The following GALNT15 variants were observed in gnomAD, a reference collection of about 807,000 sequenced individuals.
GALNT15 encodes UDP-GalNAc transferase T15.
Under a neutral mutation model 66.8 loss-of-function variants are expected in GALNT15, and 67 were observed. The observed-to-expected ratio is 1.00, with a 90% CI of 0.82 to 1.23. GALNT15 has a LOEUF of 1.23. Ranked by LOEUF, GALNT15 falls within the 50% of genes most tolerant of loss-of-function variation. The pLI is 0.00. For synonymous variants in GALNT15, 313 were observed against 311.5 expected (o/e 1.00, Z -0.05); for missense variants, 827 against 804.3 (o/e 1.03, Z -0.34).
chr3:16,235,473 T>C (rs138747979), downstream of GALNT15, among the ~76,000 whole-genome samples: 485 of 152,336 alleles, frequency 3.2e-3, 6 homozygotes, highest in African/African-American at 0.011. Context: ...AGGAGTGAAG[T>C]GCATGATTGC....
chr3:16,199,488 C>T (rs73136415), intron 2 of GALNT15, among the ~76,000 whole-genome samples: 2,929 of 142,122 alleles, frequency 0.021, 489 homozygotes, highest in African/African-American at 0.073. Context: ...TTTAATGGAG[C>T]CTTTTGCCTT....
In GALNT15 at chr3:16,186,851, C is replaced by A. The variant is rs954526102; in HGVS notation, c.540-8909C>A. ...TTGGGGGTGGGGTGTTGAAAACGTT[C>A]TCAAATTAGACAGTGGTGATGGCTG... On this transcript the variant is annotated intron_variant, in intron 1 of 9. Coordinates refer to ENST00000339732, the MANE Select transcript of GALNT15 (RefSeq NM_054110.5). The surrounding 1 kb of genome is among the most constrained non-coding windows in gnomAD (Gnocchi z 5.1). Among the ~76,000 whole-genome samples, 6 of 152,132 alleles carry A rather than the reference C, an allele frequency of 3.9e-5. No homozygotes were observed. The highest frequency in any genetic ancestry group is 7.4e-5 in the Non-Finnish European group (5 of 68,022).
In GALNT15 at chr3:16,193,990, A is replaced by G. The variant is rs114296027; in HGVS notation, c.540-1770A>G. On this transcript the variant is annotated intron_variant, in intron 1 of 9. Transcript: ENST00000339732. This position sits in a 1 kb window ranked among gnomAD's most constrained non-coding sequence, Gnocchi z 4.7. ...CAGACCCAAAGCAAGGCAAACACCA[A>G]GCACCCTGTTCACAGACAGCCCCTC... Among the ~76,000 whole-genome samples, 275 of 152,336 alleles carry G rather than the reference A, an allele frequency of 1.8e-3. No individual in the cohort carries two copies. Among genetic ancestry groups the G allele is most frequent in the African/African-American group, 6.3e-3 (260 of 41,570 alleles).
Position 16,219,888 on chromosome 3 carries a change from C to T in GALNT15, c.1525-22C>T. On this transcript the variant is annotated intron_variant, in intron 7 of 9. Coordinates refer to ENST00000339732, the MANE Select transcript of GALNT15 (RefSeq NM_054110.5). This position sits in a 1 kb window ranked among gnomAD's most constrained non-coding sequence, Gnocchi z 4.3. ...TTACAGTGGAATCTGGAATTCACTCCTGTGTGTGTGTCCACTTTCAGCTCC... is the reference window on the plus strand; with the variant it reads ...TTACAGTGGAATCTGGAATTCACTCTTGTGTGTGTGTCCACTTTCAGCTCC... 6.3e-7 allele frequency: 1 copy of T among 1,583,908 alleles called. No individual in the cohort carries two copies. The highest frequency in any genetic ancestry group is 1.1e-5 in the South Asian group (1 of 90,166).
At position 16,214,031 on chromosome 3, in the gene GALNT15, A is replaced by G. The variant is rs549354450; in HGVS notation, c.1392+1268A>G. Among the ~76,000 whole-genome samples, 3 of 152,326 alleles carry G rather than the reference A, an allele frequency of 2.0e-5. No homozygotes were observed. The South Asian group carries it at 6.2e-4, about 32-fold the overall frequency. ...TCCTGGGACTCAACAGTAATTCCCA[A>G]GGTCTAGGCAGGCTACAGTCTCCTC... is the stretch of plus-strand genomic sequence containing the variant. On this transcript the variant is annotated intron_variant, in intron 6 of 9. Transcript: ENST00000339732.
At position 16,181,480 on chromosome 3, in the gene GALNT15, G is replaced by A. The variant is rs1306833353; in HGVS notation, c.539+5790G>A. Among the ~76,000 whole-genome samples, 1 of 152,084 alleles carries A rather than the reference G, an allele frequency of 6.6e-6. No individual in the cohort carries two copies. Among genetic ancestry groups the A allele is most frequent in the African/African-American group, 2.4e-5 (1 of 41,414 alleles). Reference sequence around the variant, plus strand: ...CAAGGGGTCAGAGGGAAGGGCAGGGGCGGGAGAGTCGCCTTGGCTGCAGCT... The same window carrying A: ...CAAGGGGTCAGAGGGAAGGGCAGGGACGGGAGAGTCGCCTTGGCTGCAGCT... On this transcript the variant is annotated intron_variant, in intron 1 of 9. Transcript: ENST00000339732. The surrounding 1 kb of genome is among the most constrained non-coding windows in gnomAD (Gnocchi z 5.9).
downstream of GALNT15, among the ~76,000 whole-genome samples, chr3:16,234,681 G>C (rs2064115430): frequency 6.6e-6 from 1 of 152,134 alleles, no homozygotes; most frequent in African/African-American, 2.4e-5. Context: ...TCTCCTAATG[G>C]GGAAACCCAC....
chr3:16,201,460 C>T (rs544573838), intron 3 of GALNT15, among the ~76,000 whole-genome samples: 41 of 152,252 alleles, frequency 2.7e-4, no homozygotes, highest in Non-Finnish European at 4.3e-4. Context: ...GGATTACAGG[C>T]GTGAGCCACC....
chr3:16,196,309 T>C (rs1465353980), intron 2 of GALNT15, among the ~76,000 whole-genome samples: 2 of 152,190 alleles, frequency 1.3e-5, no homozygotes, highest in Admixed American at 1.3e-4. Flanking sequence ...TCCTAGACCC[T>C]GGTGCAGCAC....
intron 6 of GALNT15, among the ~76,000 whole-genome samples, chr3:16,216,965 A>G (rs186338944): frequency 1.3e-5 from 2 of 152,202 alleles, no homozygotes; most frequent in East Asian, 1.9e-4. Context: ...ATTATTTTAG[A>G]GAGACAGTTA....
rs2063782720 is a variant in GALNT15 at position 16,208,645 on chromosome 3, C to T, written c.1054C>T (p.Leu352Phe). 6.2e-7 allele frequency: 1 copy of T among 1,614,072 alleles called. No individual in the cohort carries two copies. The highest frequency in any genetic ancestry group is 8.5e-7 in the Non-Finnish European group (1 of 1,180,000). Residue 352 changes from leucine (L) to phenylalanine (F), a missense_variant, in exon 4 of 10, where the codon CTC (leucine) becomes TTC (phenylalanine). Leu to Phe is a conservative substitution (Grantham distance 22, BLOSUM62 0). Transcript: ENST00000339732. Reference protein sequence around the residue: ...EPLPEHVRKALQSPISPIRSP... With the variant: ...EPLPEHVRKAFQSPISPIRSP... ...TTTGCCAGAGCATGTGAGGAAGGCC[C>T]TCCAGTCCCCCATAAGCCCCATCAG... is the stretch of plus-strand genomic sequence containing the variant.
At chr3:16,216,135 T>C (rs1349354009) in intron 6 of GALNT15, among the ~76,000 whole-genome samples, 3 of 152,160 alleles carry the variant, frequency 2.0e-5, no homozygotes, top group Non-Finnish European at 4.4e-5. Flanking sequence ...GATCAACCTT[T>C]GGCTCTTGTT....
At chr3:16,207,550 C>T (rs1482064961) in intron 3 of GALNT15, among the ~76,000 whole-genome samples, 2 of 6,846 alleles carry the variant, frequency 2.9e-4, no homozygotes, top group African/African-American at 8.4e-4. Context: ...AAAATTGGGC[C>T]TAAAATTCCC....
chr3:16,236,207 G>T (rs972834637), downstream of GALNT15, among the ~76,000 whole-genome samples: 1 of 148,642 alleles, frequency 6.7e-6, no homozygotes, highest in Non-Finnish European at 1.5e-5. Flanking sequence ...ACAGATTGTT[G>T]CCACATACCA....
rs917280253 is a variant in GALNT15 at position 16,188,662 on chromosome 3, G to A, written c.540-7098G>A. On this transcript the variant is annotated intron_variant, in intron 1 of 9. Coordinates refer to ENST00000339732, the MANE Select transcript of GALNT15 (RefSeq NM_054110.5). This position sits in a 1 kb window ranked among gnomAD's most constrained non-coding sequence, Gnocchi z 4.6. ...TCAGGACCTTTCAAAGATCTTTGTT[G>A]GCTGGACCTTAGCCAGCTTCCTAGG... Among the ~76,000 whole-genome samples, 1 of 152,158 alleles carries A rather than the reference G, an allele frequency of 6.6e-6. No homozygotes were observed. The highest frequency in any genetic ancestry group is 1.5e-5 in the Non-Finnish European group (1 of 68,016).
rs2063782421 is a variant in GALNT15 at position 16,208,621 on chromosome 3, T to C, written c.1030T>C (p.Leu344=). 6.2e-7 allele frequency: 1 copy of C among 1,614,012 alleles called. No homozygotes were observed. The highest frequency in any genetic ancestry group is 1.3e-5 in the African/African-American group (1 of 74,888). ...GAAGCTGGATTTCCACTGGGAACCT[T>C]TGCCAGAGCATGTGAGGAAGGCCCT... ...DWKLDFHWEP[L]PEHVRKALQS... is the part of the protein sequence containing the mutation. Residue 344 remains leucine, a synonymous_variant, in exon 4 of 10, where the codon TTG becomes CTG. Coordinates refer to ENST00000339732, the MANE Select transcript of GALNT15 (RefSeq NM_054110.5).
At chr3:16,230,330 A>T (rs548663743), downstream of GALNT15, among the ~76,000 whole-genome samples, 2 of 152,322 alleles carry the variant, frequency 1.3e-5, no homozygotes, top group Admixed American at 6.5e-5. This position sits in a 1 kb window ranked among gnomAD's most constrained non-coding sequence, Gnocchi z 4.5. Flanking sequence ...AATGCCATAG[A>T]TCCCACTGGA....
intron 8 of GALNT15, 140 bp downstream of exon 8, chr3:16,220,154 A>T: frequency 1.5e-6 from 1 of 680,234 alleles, no homozygotes; most frequent in Non-Finnish European, 2.7e-6. Context: ...ATGGTCCCCC[A>T]CTGTAATGAC....
downstream of GALNT15, among the ~76,000 whole-genome samples, chr3:16,233,090 G>T (rs955341565): frequency 1.4e-4 from 7 of 49,854 alleles, no homozygotes; most frequent in African/African-American, 5.7e-4. Context: ...ACAGGATAAT[G>T]CATCTTTTTT....
Sources: allele counts gnomAD v4.1 joint callset (sites outside exome capture counted in the v4.1 genomes callset), GRCh38; gene constraint gnomAD v4.1.1; non-coding constraint Gnocchi (gnomAD v3.1); transcripts MANE v1.5; gene names NCBI Gene and HGNC (gene_info 2026-07-23, HGNC 2026-07-21).